Variants in FAIM2 observed in about 807,000 individuals in gnomAD.
FAIM2 encodes the protein Fas apoptotic inhibitory molecule 2.
Under a neutral mutation model 47.4 loss-of-function variants are expected in FAIM2, and 27 were observed. The observed-to-expected ratio is 0.57, with a 90% CI of 0.42 to 0.78. FAIM2 has a LOEUF of 0.78. FAIM2 is among the 30% of genes least tolerant of loss of function. The pLI is 0.00. For missense variants in FAIM2, 311 were observed against 389.4 expected, an observed-to-expected ratio of 0.80 and a Z score of 1.69; for synonymous variants, 156 against 159.3, an observed-to-expected ratio of 0.98 and a Z score of 0.16.
At position 49,874,861 on chromosome 12, in the gene FAIM2, TTAAA is replaced by T. The variant is rs1348847215; in HGVS notation, c.802-4212_802-4209del. On this transcript the variant is annotated intron_variant, in intron 11 of 11. Transcript: ENST00000320634. The surrounding 1 kb of genome is among the most constrained non-coding windows in gnomAD (Gnocchi z 4.2). ...CCAAACTCTACCAACACGGGGGTGGTTAAATAAACTCTGGGCAGCAGTGCTGAGG... is the reference window on the plus strand; with the variant it reads ...CCAAACTCTACCAACACGGGGGTGGTTAAACTCTGGGCAGCAGTGCTGAGG... 5.9e-5 allele frequency among the ~76,000 whole-genome samples: 9 copies of T among 152,218 alleles called. No homozygotes were observed. Among genetic ancestry groups the T allele is most frequent in the Admixed American group, 5.2e-4 (8 of 15,294 alleles).
At chr12:49,896,122 C>A (rs1346382327) in intron 5 of FAIM2, among the ~76,000 whole-genome samples, 1 of 152,182 alleles carries the variant, frequency 6.6e-6, no homozygotes, top group Non-Finnish European at 1.5e-5. Context: ...TCTCCGAATG[C>A]TGCATCTGTT....
chr12:49,900,187 G>T (rs1165667755), intron 2 of FAIM2: 1 of 1,287,788 alleles, frequency 7.8e-7, no homozygotes, highest in Admixed American at 2.3e-5. Flanking sequence ...TCACGGTGGG[G>T]TGAGTCTTCA....
At chr12:49,872,283 T>C (rs1946708422) in intron 11 of FAIM2, among the ~76,000 whole-genome samples, 1 of 152,046 alleles carries the variant, frequency 6.6e-6, no homozygotes, top group Non-Finnish European at 1.5e-5. Context: ...CCAGGAGAGG[T>C]GGCATTTCAC....
chr12:49,887,116 G>T (rs562024352), intron 11 of FAIM2, among the ~76,000 whole-genome samples: 2 of 152,206 alleles, frequency 1.3e-5, no homozygotes, highest in East Asian at 3.9e-4. Context: ...CTGGAGGAAG[G>T]GATGCCTCTT....
intron 11 of FAIM2, among the ~76,000 whole-genome samples, chr12:49,885,827 G>A (rs148293826): frequency 5.1e-4 from 77 of 152,226 alleles, no homozygotes; most frequent in South Asian, 1.2e-3. Context: ...TCTGCACCAC[G>A]CACTGCACTC....
rs1362466794 is a variant in FAIM2 at position 49,878,508 on chromosome 12, ATG to A, written c.802-7857_802-7856del. On this transcript the variant is annotated intron_variant, in intron 11 of 11. Coordinates refer to ENST00000320634, the MANE Select transcript of FAIM2 (RefSeq NM_012306.4). Reference sequence around the variant, plus strand: ...TGTATATGTATGTGCATGTGTGTATATGTGTGCATATGACTGTGTATGTGCAT... The same window carrying A: ...TGTATATGTATGTGCATGTGTGTATATGTGCATATGACTGTGTATGTGCAT... 4.7e-5 allele frequency among the ~76,000 whole-genome samples: 3 copies of A among 63,818 alleles called. 1 individual carries two copies. The highest frequency in any genetic ancestry group is 5.4e-4 in the South Asian group (1 of 1,846). The allele number at this position is 63,818 out of a possible 152,430, so 41.9% of individuals were successfully genotyped here.
At chr12:49,880,370 G>A (rs912913055) in intron 11 of FAIM2, among the ~76,000 whole-genome samples, 3 of 124,682 alleles carry the variant, frequency 2.4e-5, no homozygotes, top group African/African-American at 5.2e-5. Context: ...ATATGTGCAT[G>A]TGTATGTGTG....
intron 1 of FAIM2, 149 bp from the exon 2 acceptor site, chr12:49,901,474 AT>A: frequency 1.7e-6 from 1 of 598,952 alleles, no homozygotes; most frequent in Non-Finnish European, 2.8e-6. Context: ...GAATGTCTCT[AT>A]TTTATAGACA....
rs1445083920 is a variant in FAIM2 at position 49,867,248 on chromosome 12, C to T, written c.*3256G>A. ...CCCAACCTCCAGCCACATGGGCCCT[C>T]GGTGACTCTCCCAAACCAGGCCCTG... On this transcript the variant is annotated 3_prime_UTR_variant, in exon 12 of 12. Coordinates refer to ENST00000320634, the MANE Select transcript of FAIM2 (RefSeq NM_012306.4). 2.0e-5 allele frequency: 3 copies of T among 152,276 alleles called. No homozygotes were observed. Among genetic ancestry groups the T allele is most frequent in the African/African-American group, 7.2e-5 (3 of 41,446 alleles). The allele number at this position is 152,276 out of a possible 1,614,324, so 9.4% of individuals were successfully genotyped here. A position where few individuals can be genotyped will look rare whatever the true frequency, so the allele number is the denominator to read the frequency against.
At chr12:49,878,269 TGTCC>T (rs1946756879) in intron 11 of FAIM2, among the ~76,000 whole-genome samples, 1 of 136,400 alleles carries the variant, frequency 7.3e-6, no homozygotes, top group Non-Finnish European at 1.6e-5. Flanking sequence ...TGCATGTGTG[TGTCC>T]ATGTGTCTAT....
At chr12:49,883,398 A>G (rs1946839822) in intron 11 of FAIM2, among the ~76,000 whole-genome samples, 1 of 149,526 alleles carries the variant, frequency 6.7e-6, no homozygotes, top group Non-Finnish European at 1.5e-5. Context: ...GGCGTGATGT[A>G]GGGGGTGAGG....
chr12:49,879,272 G>C (rs1196886170), intron 11 of FAIM2, among the ~76,000 whole-genome samples: 1 of 63,744 alleles, frequency 1.6e-5, no homozygotes, highest in Non-Finnish European at 2.9e-5. Context: ...GTGTGCATGT[G>C]TATATGTGTG....
chr12:49,872,907 G>A (rs1446537695), intron 11 of FAIM2, among the ~76,000 whole-genome samples: 1 of 152,228 alleles, frequency 6.6e-6, no homozygotes, highest in African/African-American at 2.4e-5. Flanking sequence ...CACATAGTAA[G>A]CACTTAATGA....
chr12:49,886,666 C>T (rs142245948), intron 11 of FAIM2, among the ~76,000 whole-genome samples: 4 of 152,064 alleles, frequency 2.6e-5, no homozygotes, highest in Non-Finnish European at 2.9e-5. Flanking sequence ...TTAGTAAAGA[C>T]GGGGTTTCAC....
intron 11 of FAIM2, among the ~76,000 whole-genome samples, chr12:49,884,346 T>C (rs1000801997): frequency 6.6e-6 from 1 of 152,024 alleles, no homozygotes; most frequent in Non-Finnish European, 1.5e-5. Flanking sequence ...GAGGTTCTCT[T>C]AAAAGGAATT....
intron 1 of FAIM2, among the ~76,000 whole-genome samples, chr12:49,903,292 C>T (rs1946993827): frequency 6.6e-6 from 1 of 152,200 alleles, no homozygotes; most frequent in South Asian, 2.1e-4. Context: ...AGCCAAGACG[C>T]CCAGATGTGG....
chr12:49,900,968 C>T (rs1946977582), intron 2 of FAIM2, among the ~76,000 whole-genome samples, 162 bp downstream of exon 2: 1 of 152,218 alleles, frequency 6.6e-6, no homozygotes, highest in Admixed American at 6.5e-5. Context: ...TTGTCTCTGA[C>T]CTACCCTCAG....
intron 11 of FAIM2, among the ~76,000 whole-genome samples, chr12:49,878,231 A>T (rs369704890): frequency 3.9e-5 from 4 of 103,564 alleles, no homozygotes; most frequent in African/African-American, 3.9e-5. Flanking sequence ...TATGTGCATG[A>T]GTGTATGTGT....
chr12:49,880,631 TA>T (rs1946815065), intron 11 of FAIM2, among the ~76,000 whole-genome samples: 1 of 10,280 alleles, frequency 9.7e-5, no homozygotes, highest in East Asian at 3.5e-3. Context: ...TGCATGTGTG[TA>T]TATATATGCA....
Sources: gnomAD v4.1 joint callset for allele counts (sites outside exome capture counted in the v4.1 genomes callset) on GRCh38, gnomAD v4.1.1 for gene constraint, Gnocchi (gnomAD v3.1) non-coding constraint, MANE v1.5 for transcripts, NCBI Gene and HGNC (gene_info 2026-07-23, HGNC 2026-07-21) for gene names.